MXI1: variants seen among roughly 807,000 people sequenced by gnomAD.
MXI1 encodes the protein MAX interactor 1, dimerization protein.
Under a neutral mutation model 36.9 loss-of-function variants are expected in MXI1, and 18 were observed. The observed-to-expected ratio is 0.49, with a 90% CI of 0.34 to 0.72. The LOEUF (loss-of-function observed/expected upper bound fraction) is 0.72, where lower values mean the gene tolerates loss of function less well. MXI1 is among the 30% of genes least tolerant of loss of function. The probability of loss-of-function intolerance (pLI) is 0.01; values close to 1 mark genes in which losing one functional copy is unlikely to be tolerated. For missense variants in MXI1, 304 were observed against 379.1 expected, an observed-to-expected ratio of 0.80 and a Z score of 1.64; for synonymous variants, 160 against 146.7, an observed-to-expected ratio of 1.09 and a Z score of -0.65.
chr10:110,214,304 G>A (rs1854575915), intron 1 of MXI1, among the ~76,000 whole-genome samples: 1 of 152,172 alleles, frequency 6.6e-6, no homozygotes. Flanking sequence ...GTTTCGAAGT[G>A]AGGCTGGAGT....
chr10:110,216,622 G>GGAGTAGTTCTTTCCCT (rs552332043), intron 1 of MXI1, among the ~76,000 whole-genome samples: 37 of 149,620 alleles, frequency 2.5e-4, no homozygotes, highest in Middle Eastern at 3.5e-3. Flanking sequence ...GCTTCCAAAA[G>GGAGTAGTTCTTTCCCT]GAGTAGTTCT....
chr10:110,249,847 G>T (rs1311557689), intron 3 of MXI1, among the ~76,000 whole-genome samples: 1 of 152,092 alleles, frequency 6.6e-6, no homozygotes, highest in Non-Finnish European at 1.5e-5. Context: ...ATTTTTATTG[G>T]AGCAAATGCA....
At chr10:110,230,652 G>T (rs1219692834) in intron 2 of MXI1, among the ~76,000 whole-genome samples, 1 of 152,206 alleles carries the variant, frequency 6.6e-6, no homozygotes, top group African/African-American at 2.4e-5. Flanking sequence ...CCTGCTTCAT[G>T]GAAGTAAGGA....
At position 110,285,195 on chromosome 10, in the gene MXI1, A is replaced by G. The variant is rs997008660; in HGVS notation, c.*208A>G. The G allele has an allele frequency of 3.8e-5, 15 of 399,002 alleles. No individual in the cohort carries two copies. The highest frequency in any genetic ancestry group is 5.7e-5 in the Non-Finnish European group (13 of 228,722). The allele number at this position is 399,002 out of a possible 1,614,324, so 24.7% of individuals were successfully genotyped here. A position where few individuals can be genotyped will look rare whatever the true frequency, so the allele number is the denominator to read the frequency against. ...GCAGAGCCTCCCAAGGAGAACAAAT[A>G]TTCAGAATATTCATATTGGAAAAAT... On this transcript the variant is annotated 3_prime_UTR_variant, in exon 6 of 6. Coordinates refer to ENST00000332674, the MANE Select transcript of MXI1 (RefSeq NM_130439.3).
At chr10:110,267,152 T>C (rs898053239) in intron 3 of MXI1, among the ~76,000 whole-genome samples, 2 of 152,218 alleles carry the variant, frequency 1.3e-5, no homozygotes, top group Admixed American at 6.5e-5. Context: ...TGAGGGTGTC[T>C]ATTCCCTTTG....
chr10:110,226,098 C>A (rs1854957292), intron 1 of MXI1: 4 of 1,146,342 alleles, frequency 3.5e-6, no homozygotes, highest in Non-Finnish European at 4.3e-6. Context: ...CGAGCTGGCC[C>A]GCCCGCCCGT....
At chr10:110,274,703 T>A (rs77407017) in intron 3 of MXI1, among the ~76,000 whole-genome samples, 2,124 of 152,230 alleles carry the variant, frequency 0.014, 44 homozygotes, top group African/African-American at 0.049. Flanking sequence ...CATCATAATA[T>A]TCAGAAGAGC....
At chr10:110,276,327 A>AT in intron 3 of MXI1, among the ~76,000 whole-genome samples, 1 of 151,744 alleles carries the variant, frequency 6.6e-6, no homozygotes. Context: ...ATTTATTCAG[A>AT]TTTTTTCAAT....
At chr10:110,243,126 A>G (rs1855733804) in intron 2 of MXI1, among the ~76,000 whole-genome samples, 1 of 150,670 alleles carries the variant, frequency 6.6e-6, no homozygotes, top group Non-Finnish European at 1.5e-5. Context: ...AAGATTAACA[A>G]AATTTTAAAC....
intron 3 of MXI1, among the ~76,000 whole-genome samples, chr10:110,262,901 T>C (rs999866472): frequency 1.3e-5 from 2 of 152,180 alleles, no homozygotes; most frequent in African/African-American, 4.8e-5. Context: ...TCCAAACTGA[T>C]CTCTCTAAAT....
At chr10:110,222,040 G>A (rs572673736) in intron 1 of MXI1, among the ~76,000 whole-genome samples, 3 of 152,278 alleles carry the variant, frequency 2.0e-5, no homozygotes, top group South Asian at 4.2e-4. Context: ...GAGAGCTTAC[G>A]CATGAACTTA....
At chr10:110,216,665 G>GTTTTTTTTTTGTTTTTTTTT (rs1854645560) in intron 1 of MXI1, among the ~76,000 whole-genome samples, 6 of 79,060 alleles carry the variant, frequency 7.6e-5, no homozygotes, top group African/African-American at 4.8e-4. Context: ...TGTGTTTAAT[G>GTTTTTTTTTTGTTTTTTTTT]TTTTTTTTTT....
At chr10:110,220,737 G>C (rs1031893100) in intron 1 of MXI1, among the ~76,000 whole-genome samples, 4 of 152,144 alleles carry the variant, frequency 2.6e-5, no homozygotes, top group African/African-American at 7.2e-5. Flanking sequence ...CCAACATCTA[G>C]GAAACACAAC....
chr10:110,268,237 C>T (rs1206580584), intron 3 of MXI1, among the ~76,000 whole-genome samples: 1 of 152,172 alleles, frequency 6.6e-6, no homozygotes, highest in Non-Finnish European at 1.5e-5. Context: ...CAGGGCTGTT[C>T]TCCTGAGCTA....
chr10:110,236,395 G>A (rs865775402), intron 2 of MXI1, among the ~76,000 whole-genome samples: 6 of 151,926 alleles, frequency 3.9e-5, no homozygotes, highest in Middle Eastern at 3.4e-3. Context: ...AATGTATTCC[G>A]ACTTGGTTCT....
At chr10:110,269,393 T>C (rs1002339486) in intron 3 of MXI1, among the ~76,000 whole-genome samples, 4 of 152,272 alleles carry the variant, frequency 2.6e-5, no homozygotes, top group Non-Finnish European at 5.9e-5. Context: ...ATTTTCATTT[T>C]CTGCTTCTAG....
intron 3 of MXI1, chr10:110,260,889 G>T (rs1454313840): frequency 1.4e-5 from 7 of 492,204 alleles, no homozygotes; most frequent in Non-Finnish European, 1.8e-5. Context: ...GCATTATTGT[G>T]TTATAACTTC....
At chr10:110,247,737 A>G (rs1402346481) in intron 3 of MXI1, among the ~76,000 whole-genome samples, 3 of 152,168 alleles carry the variant, frequency 2.0e-5, no homozygotes, top group Non-Finnish European at 4.4e-5. Flanking sequence ...ACCCTTTTAC[A>G]CTGTTGGTGG....
rs1857428045 is a variant in MXI1 at position 110,286,490 on chromosome 10, C to T, written c.*1503C>T. 2.3e-5 allele frequency: 1 copy of T among 43,710 alleles called. No homozygotes were observed. Among genetic ancestry groups the T allele is most frequent in the Admixed American group, 3.1e-4 (1 of 3,186 alleles). The allele number at this position is 43,710 out of a possible 1,614,324, so 2.7% of individuals were successfully genotyped here. Reference sequence around the variant, plus strand: ...TAAATAATTTAACTACCCTTAATTACTTAAAAAAAAAAAAAAGCTTTATGA... The same window carrying T: ...TAAATAATTTAACTACCCTTAATTATTTAAAAAAAAAAAAAAGCTTTATGA... On this transcript the variant is annotated 3_prime_UTR_variant, in exon 6 of 6. Transcript: ENST00000332674.
Sources: allele counts gnomAD v4.1 joint callset (sites outside exome capture counted in the v4.1 genomes callset), GRCh38; gene constraint gnomAD v4.1.1; transcripts MANE v1.5; gene names NCBI Gene and HGNC (gene_info 2026-07-23, HGNC 2026-07-21).